The following ACOX3 variants were observed in gnomAD, a reference collection of about 807,000 sequenced individuals.
ACOX3 encodes the protein peroxisomal acyl-coenzyme A oxidase 3.
Under a neutral mutation model 81.5 loss-of-function variants are expected in ACOX3, and 73 were observed. The observed-to-expected ratio is 0.90, with a 90% CI of 0.74 to 1.09. The LOEUF (loss-of-function observed/expected upper bound fraction) is 1.09. Ranked by LOEUF, ACOX3 falls within the 50% of genes least tolerant of loss-of-function variation. The pLI is 0.00. For synonymous variants in ACOX3, 387 were observed against 375.1 expected, an observed-to-expected ratio of 1.03 and a Z score of -0.37; for missense variants, 947 against 928.0, an observed-to-expected ratio of 1.02 and a Z score of -0.27.
chr4:8,424,824 C>A (rs981842806), intron 1 of ACOX3, among the ~76,000 whole-genome samples: 2 of 152,202 alleles, frequency 1.3e-5, no homozygotes, highest in Non-Finnish European at 2.9e-5. Context: ...CTGATCCCGA[C>A]CTCAACTTGT....
intron 1 of ACOX3, among the ~76,000 whole-genome samples, chr4:8,438,495 C>T (rs566511236): frequency 6.6e-6 from 1 of 152,196 alleles, no homozygotes; most frequent in African/African-American, 2.4e-5. Flanking sequence ...AGGTATTTAC[C>T]CTATAAGATT....
rs1398064344 is a variant in ACOX3 at position 8,394,095 on chromosome 4, T to C, written c.1179+525A>G. On this transcript the variant is annotated intron_variant, in intron 10 of 17. Coordinates refer to ENST00000356406, the MANE Select transcript of ACOX3 (RefSeq NM_003501.3). The surrounding 1 kb of genome is among the most constrained non-coding windows in gnomAD (Gnocchi z 5.9). Reference sequence around the variant, plus strand: ...ACACGGTTATTTCTTTTGATTCACATTTCACTCTTGCTCAGGAGGCAGCAG... The same window carrying C: ...ACACGGTTATTTCTTTTGATTCACACTTCACTCTTGCTCAGGAGGCAGCAG... 6.6e-6 allele frequency among the ~76,000 whole-genome samples: 1 copy of C among 152,228 alleles called. No individual in the cohort carries two copies. The highest frequency in any genetic ancestry group is 1.5e-5 in the Non-Finnish European group (1 of 68,050).
rs1718208610 is a variant in ACOX3, at chr4:8,385,577, A to G, written c.1537+3596T>C. On this transcript the variant is annotated intron_variant, in intron 13 of 17. Coordinates refer to ENST00000356406, the MANE Select transcript of ACOX3 (RefSeq NM_003501.3). The surrounding 1 kb of genome is among the most constrained non-coding windows in gnomAD (Gnocchi z 5.5). ...GGCCCCCAAGGCACAGGGCTGTGAC[A>G]CTCAGCTCAGTGCAAAAATGCCTGT... 6.6e-6 allele frequency among the ~76,000 whole-genome samples: 1 copy of G among 152,254 alleles called. No individual in the cohort carries two copies. Among genetic ancestry groups the G allele is most frequent in the South Asian group, 2.1e-4 (1 of 4,836 alleles).
At position 8,440,709 on chromosome 4, in the gene ACOX3, G is replaced by T; in HGVS notation, c.-76C>A. ...CAAAAGCAGGAAAGGATCTCCAGCG[G>T]CGCCATTCTCATTTCCGGTCCCAGC... On this transcript the variant is annotated 5_prime_UTR_variant, in exon 1 of 18. Transcript: ENST00000356406. The T allele has an allele frequency of 7.9e-7, 1 of 1,269,120 alleles. No individual in the cohort carries two copies. The highest frequency in any genetic ancestry group is 1.6e-5 in the African/African-American group (1 of 63,286). 78.6% of individuals were successfully genotyped at this position (1,269,120 alleles called of 1,614,324 possible).
chr4:8,440,710 C>T lies in ACOX3; in HGVS notation c.-77G>A, dbSNP rs1009354716. On this transcript the variant is annotated 5_prime_UTR_variant, in exon 1 of 18. Transcript: ENST00000356406. ...AAAAGCAGGAAAGGATCTCCAGCGG[C>T]GCCATTCTCATTTCCGGTCCCAGCA... is the stretch of plus-strand genomic sequence containing the variant. 21 of 1,272,372 alleles carry T rather than the reference C, an allele frequency of 1.7e-5. No homozygotes were observed. In the African/African-American group the frequency reaches 3.0e-4, roughly 18 times the overall value. The allele number at this position is 1,272,372 out of a possible 1,614,324, so 78.8% of individuals were successfully genotyped here.
Position 8,414,446 on chromosome 4 carries a change from C to A in ACOX3, c.454-65G>T, listed in dbSNP as rs1202899430. The A allele has an allele frequency of 3.6e-6, 5 of 1,382,042 alleles. No homozygotes were observed. In the East Asian group the frequency reaches 9.2e-5, roughly 25 times the overall value. The allele number at this position is 1,382,042 out of a possible 1,614,324, so 85.6% of individuals were successfully genotyped here. A position where few individuals can be genotyped will look rare whatever the true frequency, so the allele number is the denominator to read the frequency against. On this transcript the variant is annotated intron_variant, in intron 4 of 17. Transcript: ENST00000356406. This position sits in a 1 kb window ranked among gnomAD's most constrained non-coding sequence, Gnocchi z 6.1. ...TTCTTTGTGCACATTCCCAGAAGGACCTCACTGCCATCTTTCCTTTAAAGA... is the reference window on the plus strand; with the variant it reads ...TTCTTTGTGCACATTCCCAGAAGGAACTCACTGCCATCTTTCCTTTAAAGA...
At chr4:8,373,513 C>A (rs376565853) in intron 16 of ACOX3, 48 bp downstream of exon 16, 11 of 1,594,620 alleles carry the variant, frequency 6.9e-6, no homozygotes, top group Non-Finnish European at 9.4e-6. Flanking sequence ...TCGCTCTGGG[C>A]GGTTGTGTAA....
chr4:8,406,072 A>T lies in ACOX3; in HGVS notation c.688-29T>A, dbSNP rs1182847513. ...TACAAAGCCACAGAAAGCAGCAAAC[A>T]GCAACTGTTACAATCACACAAAAAT... On this transcript the variant is annotated intron_variant, in intron 6 of 17. Coordinates refer to ENST00000356406, the MANE Select transcript of ACOX3 (RefSeq NM_003501.3). The surrounding 1 kb of genome is among the most constrained non-coding windows in gnomAD (Gnocchi z 5.6). The T allele has an allele frequency of 1.3e-6, 2 of 1,598,732 alleles. No individual in the cohort carries two copies. The highest frequency in any genetic ancestry group is 1.7e-6 in the Non-Finnish European group (2 of 1,166,468).
intron 7 of ACOX3, among the ~76,000 whole-genome samples, chr4:8,402,283 C>G (rs1384638960): frequency 1.3e-5 from 2 of 152,212 alleles, no homozygotes; most frequent in African/African-American, 4.8e-5. Context: ...CAGGCCCCTG[C>G]CCACCTGCAG....
Position 8,405,653 on chromosome 4 carries a change from AG to A in ACOX3, c.776+301del, listed in dbSNP as rs1411891364. Reference sequence around the variant, plus strand: ...GAGGAGGACCTCACACAGAGGAGGCAGCCCCCCAGGCAGGGGCCCCACCAGT... The same window carrying A: ...GAGGAGGACCTCACACAGAGGAGGCACCCCCCAGGCAGGGGCCCCACCAGT... On this transcript the variant is annotated intron_variant, in intron 7 of 17. Coordinates refer to ENST00000356406, the MANE Select transcript of ACOX3 (RefSeq NM_003501.3). The surrounding 1 kb of genome is among the most constrained non-coding windows in gnomAD (Gnocchi z 7.1). Among the ~76,000 whole-genome samples the A allele has an allele frequency of 6.6e-6, 1 of 152,220 alleles. No individual in the cohort carries two copies. Among genetic ancestry groups the A allele is most frequent in the Non-Finnish European group, 1.5e-5 (1 of 68,028 alleles).
At position 8,386,466 on chromosome 4, in the gene ACOX3, T is replaced by A. The variant is rs1718310683; in HGVS notation, c.1537+2707A>T. Among the ~76,000 whole-genome samples the A allele has an allele frequency of 6.7e-6, 1 of 150,150 alleles. No homozygotes were observed. The highest frequency in any genetic ancestry group is 2.1e-4 in the South Asian group (1 of 4,792). On this transcript the variant is annotated intron_variant, in intron 13 of 17. Transcript: ENST00000356406. This position sits in a 1 kb window ranked among gnomAD's most constrained non-coding sequence, Gnocchi z 5.2. ...CTGTAGTCCCAGCTACTCCGGAGGC[T>A]GAGGCAGGAGAATGGCGAGAACCTG...
Position 8,414,398 on chromosome 4 carries a change from A to T in ACOX3, c.454-17T>A. The T allele has an allele frequency of 6.2e-7, 1 of 1,607,390 alleles. No individual in the cohort carries two copies. Among genetic ancestry groups the T allele is most frequent in the Non-Finnish European group, 8.5e-7 (1 of 1,173,830 alleles). ...TCCAAAAATCTAAATGTCAAAGCAC[A>T]AAATGATGGAAAGCAAGAAAAGTTC... is the stretch of plus-strand genomic sequence containing the variant. On this transcript the variant is annotated splice_polypyrimidine_tract_variant and intron_variant, in intron 4 of 17. Transcript: ENST00000356406. The surrounding 1 kb of genome is among the most constrained non-coding windows in gnomAD (Gnocchi z 6.1).
intron 1 of ACOX3, chr4:8,436,524 C>A (rs557312981): frequency 6.6e-6 from 1 of 152,210 alleles, no homozygotes; most frequent in Non-Finnish European, 1.5e-5. Context: ...CCAGAGAATG[C>A]AACTCAGCTT....
intron 13 of ACOX3, among the ~76,000 whole-genome samples, chr4:8,388,113 G>A (rs943572333): frequency 5.3e-5 from 8 of 152,226 alleles, no homozygotes; most frequent in Non-Finnish European, 7.3e-5. Context: ...GGGCCCTGCT[G>A]CCTCCGCCTC....
intron 11 of ACOX3, among the ~76,000 whole-genome samples, chr4:8,391,094 A>G (rs13130336): frequency 0.39 from 57,291 of 148,288 alleles, 13,205 homozygotes; most frequent in African/African-American, 0.67. Context: ...TGATTCCATC[A>G]TCTTTGTTGT....
chr4:8,399,414 G>A lies in ACOX3; in HGVS notation c.873+142C>T, dbSNP rs778331105. On this transcript the variant is annotated intron_variant, in intron 8 of 17. Coordinates refer to ENST00000356406, the MANE Select transcript of ACOX3 (RefSeq NM_003501.3). The surrounding 1 kb of genome is among the most constrained non-coding windows in gnomAD (Gnocchi z 4.9). ...CCTTCTAGCGGGAGCACCAGAACCC[G>A]AGCCAGGAGAAGTATGCCCCAGCGA... 705 of 688,384 alleles carry A rather than the reference G, an allele frequency of 1.0e-3. 3 individuals carry two copies. Among genetic ancestry groups the A allele is most frequent in the Non-Finnish European group, 1.5e-3 (606 of 410,180 alleles). 42.6% of individuals were successfully genotyped at this position (688,384 alleles called of 1,614,324 possible). A position where few individuals can be genotyped will look rare whatever the true frequency, so the allele number is the denominator to read the frequency against.
At chr4:8,396,885 A>C in intron 9 of ACOX3, 52 bp downstream of exon 9, 1 of 1,573,512 alleles carries the variant, frequency 6.4e-7, no homozygotes, top group Non-Finnish European at 8.7e-7. Context: ...AAAAGAAGTG[A>C]ATTTGCATAT....
rs1432060517 is a variant in ACOX3, at chr4:8,430,259, G to A, written c.-15+10389C>T. Among the ~76,000 whole-genome samples the A allele has an allele frequency of 6.6e-6, 1 of 152,224 alleles. No homozygotes were observed. The highest frequency in any genetic ancestry group is 6.5e-5 in the Admixed American group (1 of 15,284). Reference sequence around the variant, plus strand: ...GGAAGGGACTGAAAGATCATTTCGGGCCTGGCAGGTACCCTGCTAAGCAGT... The same window carrying A: ...GGAAGGGACTGAAAGATCATTTCGGACCTGGCAGGTACCCTGCTAAGCAGT... On this transcript the variant is annotated intron_variant, in intron 1 of 17. Transcript: ENST00000356406. This position sits in a 1 kb window ranked among gnomAD's most constrained non-coding sequence, Gnocchi z 5.2.
chr4:8,397,225 T>C, intron 8 of ACOX3, 106 bp from the exon 9 acceptor site: 7 of 1,131,470 alleles, frequency 6.2e-6, no homozygotes, highest in Non-Finnish European at 7.2e-6. Flanking sequence ...AAAGTAGACC[T>C]GTGCCCACCT....
Sources: gnomAD v4.1 joint callset for allele counts (sites outside exome capture counted in the v4.1 genomes callset) on GRCh38, gnomAD v4.1.1 for gene constraint, Gnocchi (gnomAD v3.1) non-coding constraint, MANE v1.5 for transcripts, NCBI Gene and HGNC (gene_info 2026-07-23, HGNC 2026-07-21) for gene names.